The following SIPA1L1 variants were observed in gnomAD, a reference collection of about 807,000 sequenced individuals.
SIPA1L1 encodes signal-induced proliferation-associated 1-like protein 1.
Under a neutral mutation model 162.7 loss-of-function variants are expected in SIPA1L1, and 26 were observed. That is an observed-to-expected ratio of 0.16 (90% CI 0.12 to 0.22). The LOEUF (loss-of-function observed/expected upper bound fraction) is 0.22. SIPA1L1 is among the 10% of genes least tolerant of loss of function. The pLI, the probability that SIPA1L1 is intolerant of heterozygous loss-of-function variation, is 1.00. For missense variants in SIPA1L1, 1,874 were observed against 2,241.0 expected (o/e 0.84, Z 3.31); for synonymous variants, 829 against 837.4 (o/e 0.99, Z 0.17).
At chr14:71,607,157 C>T (rs1049021456) in intron 5 of SIPA1L1, among the ~76,000 whole-genome samples, 8 of 151,592 alleles carry the variant, frequency 5.3e-5, no homozygotes, top group Admixed American at 2.0e-4. Flanking sequence ...AAAGCTTCTC[C>T]GAGTTCCAGG....
chr14:71,670,677 T>C (rs1459291068), intron 10 of SIPA1L1, among the ~76,000 whole-genome samples: 1 of 152,238 alleles, frequency 6.6e-6, no homozygotes, highest in Non-Finnish European at 1.5e-5. Flanking sequence ...CTTATAGCCA[T>C]CATATCTAAA....
At chr14:71,560,442 C>G (rs1029127287) in intron 4 of SIPA1L1, among the ~76,000 whole-genome samples, 1 of 151,984 alleles carries the variant, frequency 6.6e-6, no homozygotes, top group African/African-American at 2.4e-5. Flanking sequence ...ACCATGTACT[C>G]CAGGAGGAAG....
rs565634511 is a variant in SIPA1L1, at chr14:71,614,071, G to A, written c.1499-4686G>A. ...AAAAATTAGCTAGGCGTGGTGGCAC[G>A]TGCCTGTAGTCCCAGCTACTCAGGA... On this transcript the variant is annotated intron_variant, in intron 5 of 23. Transcript: ENST00000381232. Among the ~76,000 whole-genome samples, 5 of 152,136 alleles carry A rather than the reference G, an allele frequency of 3.3e-5. No homozygotes were observed. In the East Asian group the frequency reaches 7.7e-4, roughly 24 times the overall value.
At position 71,377,088 on chromosome 14, in the gene SIPA1L1, C is replaced by T. The variant is rs1205639753; in HGVS notation, c.-465+55907C>T. On this transcript the variant is annotated intron_variant, in intron 2 of 23. Coordinates refer to ENST00000381232, the MANE Select transcript of SIPA1L1 (RefSeq NM_001386936.1). This position sits in a 1 kb window ranked among gnomAD's most constrained non-coding sequence, Gnocchi z 4.8. The stretch of plus-strand genomic sequence containing the variant: ...GGGTGGCAGCTGGGCAGAGGGGCTC[C>T]TCACTTTCCAGATGTGGCGGCCGGG... Among the ~76,000 whole-genome samples the T allele has an allele frequency of 2.0e-5, 3 of 151,784 alleles. No homozygotes were observed. The highest frequency in any genetic ancestry group is 4.4e-5 in the Non-Finnish European group (3 of 67,998).
intron 2 of SIPA1L1, among the ~76,000 whole-genome samples, chr14:71,430,706 G>A (rs1217296115): frequency 2.0e-5 from 3 of 152,184 alleles, no homozygotes; most frequent in Admixed American, 2.0e-4. Flanking sequence ...TTTCTCAGTT[G>A]TGGGATCACT....
chr14:71,522,894 T>C (rs910932922), intron 3 of SIPA1L1, among the ~76,000 whole-genome samples: 5 of 152,172 alleles, frequency 3.3e-5, no homozygotes, highest in African/African-American at 1.2e-4. Context: ...GATTTCACCA[T>C]GTTGGCCAGG....
intron 5 of SIPA1L1, among the ~76,000 whole-genome samples, chr14:71,602,891 T>C (rs943552972): frequency 6.6e-6 from 1 of 152,230 alleles, no homozygotes; most frequent in Non-Finnish European, 1.5e-5. Context: ...GCCTGTCCCC[T>C]GTCCCCACCA....
At chr14:71,658,111 T>C (rs1436552967) in intron 8 of SIPA1L1, among the ~76,000 whole-genome samples, 3 of 152,160 alleles carry the variant, frequency 2.0e-5, no homozygotes, top group Admixed American at 1.3e-4. Context: ...TATTTTATAC[T>C]TTTACAAATA....
intron 2 of SIPA1L1, among the ~76,000 whole-genome samples, chr14:71,409,718 C>A (rs994330808): frequency 1.3e-5 from 2 of 152,184 alleles, no homozygotes; most frequent in African/African-American, 4.8e-5. Flanking sequence ...ATAGAAATTA[C>A]TCACTAAACT....
At chr14:71,536,356 A>G (rs2053905604) in intron 4 of SIPA1L1, among the ~76,000 whole-genome samples, 1 of 152,170 alleles carries the variant, frequency 6.6e-6, no homozygotes, top group Non-Finnish European at 1.5e-5. Context: ...AGCTTTCTCT[A>G]TGAGCAATAA....
At chr14:71,361,043 T>C (rs1008901906) in intron 2 of SIPA1L1, among the ~76,000 whole-genome samples, 6 of 152,156 alleles carry the variant, frequency 3.9e-5, no homozygotes, top group African/African-American at 1.4e-4. Flanking sequence ...AGGATAAAAT[T>C]ATACTGGTAT....
intron 2 of SIPA1L1, among the ~76,000 whole-genome samples, chr14:71,342,656 T>C (rs2140440511): frequency 6.6e-6 from 1 of 152,328 alleles, no homozygotes; most frequent in South Asian, 2.1e-4. Flanking sequence ...GGAGTACTTT[T>C]TTTATACCTG....
At chr14:71,474,887 C>T (rs764100346) in intron 2 of SIPA1L1, among the ~76,000 whole-genome samples, 4 of 152,076 alleles carry the variant, frequency 2.6e-5, no homozygotes, top group Non-Finnish European at 5.9e-5. Context: ...GGCTGTAAAT[C>T]GTGTAAAATG....
At chr14:71,355,041 C>T (rs547419575) in intron 2 of SIPA1L1, among the ~76,000 whole-genome samples, 12 of 152,150 alleles carry the variant, frequency 7.9e-5, no homozygotes, top group Non-Finnish European at 1.6e-4. Flanking sequence ...TTGAGATGCA[C>T]TGAATCATTA....
chr14:71,387,178 G>T (rs987197341), intron 2 of SIPA1L1, among the ~76,000 whole-genome samples: 7 of 148,690 alleles, frequency 4.7e-5, no homozygotes, highest in African/African-American at 4.9e-5. Context: ...AATCTGGGAG[G>T]TGGAGGTTGC....
intron 4 of SIPA1L1, chr14:71,574,771 G>C (rs2147107559): frequency 6.6e-6 from 1 of 152,102 alleles, no homozygotes; most frequent in African/African-American, 2.4e-5. Context: ...TTTGCGTTTT[G>C]ATTAATTTTT....
chr14:71,667,174 TTGGAG>T (rs1188987960), intron 10 of SIPA1L1, among the ~76,000 whole-genome samples: 1 of 152,128 alleles, frequency 6.6e-6, no homozygotes, highest in African/African-American at 2.4e-5. Context: ...CCTCACTCCT[TTGGAG>T]CTACTCACCA....
chr14:71,522,808 C>T (rs56855582), intron 3 of SIPA1L1, among the ~76,000 whole-genome samples: 20 of 151,988 alleles, frequency 1.3e-4, no homozygotes, highest in African/African-American at 4.8e-4. Context: ...ATTCTCCTGC[C>T]TCAGCCTCCC....
chr14:71,707,610 C>T (rs566537943), intron 16 of SIPA1L1, among the ~76,000 whole-genome samples: 31 of 152,272 alleles, frequency 2.0e-4, no homozygotes, highest in Admixed American at 7.2e-4. Flanking sequence ...CAAGATTCAT[C>T]CATGTTGTAG....
Sources: gnomAD v4.1 joint callset for allele counts (sites outside exome capture counted in the v4.1 genomes callset) on GRCh38, gnomAD v4.1.1 for gene constraint, Gnocchi (gnomAD v3.1) non-coding constraint, MANE v1.5 for transcripts, NCBI Gene and HGNC (gene_info 2026-07-23, HGNC 2026-07-21) for gene names.